NALF2: variants seen among roughly 807,000 people sequenced by gnomAD.
The protein encoded by NALF2 is NALCN channel auxiliary factor 2, also known as bB57D9.1 (TED protein).
Under a neutral mutation model 24.8 loss-of-function variants are expected in NALF2, and 1 was observed. That is an observed-to-expected ratio of 0.04 (90% CI 0.01 to 0.19). The LOEUF (loss-of-function observed/expected upper bound fraction) is 0.19. Among genes scored for constraint, NALF2 ranks in the 10% least tolerant of loss-of-function variants. The pLI, the probability that NALF2 is intolerant of heterozygous loss-of-function variation, is 1.00. For missense variants in NALF2, 458 were observed against 409.6 expected (o/e 1.12, Z -1.02); for synonymous variants, 254 against 189.8 (o/e 1.34, Z -2.78).
intron 1 of NALF2, among the ~76,000 whole-genome samples, chrX:69,510,016 A>C (rs760774611): frequency 7.1e-5 from 8 of 112,000 alleles, no homozygotes; most frequent in African/African-American, 2.3e-4. Flanking sequence ...AGAGTTGCTC[A>C]GTTTCTTCCT....
Position 69,528,988 on chromosome X carries a change from CA to C in NALF2, c.862-4del, listed in dbSNP as rs772268135. Reference sequence around the variant, plus strand: ...ATGGGCTGATGCTCTTTCCTCTCCCCACAGGCTGTCTACAAGGCCTGGCTGT... The same window carrying C: ...ATGGGCTGATGCTCTTTCCTCTCCCCCAGGCTGTCTACAAGGCCTGGCTGT... On this transcript the variant is annotated splice_region_variant and splice_polypyrimidine_tract_variant and intron_variant, in intron 1 of 2. Transcript: ENST00000252338. 8.3e-7 allele frequency: 1 copy of C among 1,204,213 alleles called. No individual in the cohort carries two copies. Among genetic ancestry groups the C allele is most frequent in the Admixed American group, 2.2e-5 (1 of 45,609 alleles).
In NALF2 at chrX:69,526,305, G is replaced by A. The variant is rs768168153; in HGVS notation, c.862-2688G>A. Among the ~76,000 whole-genome samples, 8 of 111,684 alleles carry A rather than the reference G, an allele frequency of 7.2e-5. No homozygotes were observed. In the South Asian group the frequency reaches 2.3e-3, roughly 32 times the overall value. On this transcript the variant is annotated intron_variant, in intron 1 of 2. Transcript: ENST00000252338. ...ATCTAACATCCTGATTTGAGTCCAA[G>A]CTCAACTGTTCTCCCACCACTGAAA...
intron 1 of NALF2, among the ~76,000 whole-genome samples, chrX:69,514,993 T>G: frequency 8.9e-6 from 1 of 112,357 alleles, no homozygotes. Context: ...TATTGACATT[T>G]ATGTTACTTC....
At chrX:69,524,477 A>G (rs1930777301) in intron 1 of NALF2, among the ~76,000 whole-genome samples, 1 of 111,652 alleles carries the variant, frequency 9.0e-6, no homozygotes, top group Non-Finnish European at 1.9e-5. Flanking sequence ...AGAGCTCCGT[A>G]GTTCACCCAG....
At chrX:69,512,872 C>T (rs746712730) in intron 1 of NALF2, among the ~76,000 whole-genome samples, 1 of 111,695 alleles carries the variant, frequency 9.0e-6, no homozygotes, top group Non-Finnish European at 1.9e-5. Context: ...GAAGCTGGGC[C>T]GACTGGAAGG....
chrX:69,509,230 C>T lies in NALF2; in HGVS notation c.861+3087C>T, dbSNP rs1020276379. On this transcript the variant is annotated intron_variant, in intron 1 of 2. Coordinates refer to ENST00000252338, the MANE Select transcript of NALF2 (RefSeq NM_015686.3). ...GGGTCATGCCTCACCTCTCTCTTAG[C>T]TTCCTGTGCATCCCCACAAGCCCTA... Among the ~76,000 whole-genome samples, 5 of 111,163 alleles carry T rather than the reference C, an allele frequency of 4.5e-5. No individual in the cohort carries two copies. In the Admixed American group the frequency reaches 4.8e-4, roughly 11 times the overall value.
rs1930418101 is a variant in NALF2, at chrX:69,504,607, G to C, written c.-676G>C. Among the ~76,000 whole-genome samples the C allele has an allele frequency of 8.8e-6, 1 of 113,049 alleles. No homozygotes were observed. The highest frequency in any genetic ancestry group is 1.9e-5 in the Non-Finnish European group (1 of 53,105). ...GTGGCCCGCCCGAGCCGGAACTCCA[G>C]GAGCAGCGGGTGCGGAGCCAGAGCG... On this transcript the variant is annotated 5_prime_UTR_variant, in exon 1 of 3. Coordinates refer to ENST00000252338, the MANE Select transcript of NALF2 (RefSeq NM_015686.3).
intron 1 of NALF2, among the ~76,000 whole-genome samples, chrX:69,506,954 G>A (rs372138611): frequency 8.9e-6 from 1 of 112,417 alleles, no homozygotes; most frequent in Non-Finnish European, 1.9e-5. Context: ...CCCGCCTAGG[G>A]AAGAGCTGAG....
chrX:69,513,563 T>C (rs968048207), intron 1 of NALF2, among the ~76,000 whole-genome samples: 1 of 112,381 alleles, frequency 8.9e-6, no homozygotes, highest in African/African-American at 3.2e-5. Flanking sequence ...AAGGTGAGCT[T>C]GTCTGTTTAG....
intron 1 of NALF2, among the ~76,000 whole-genome samples, chrX:69,514,251 A>G (rs1228425660): frequency 9.1e-6 from 1 of 109,889 alleles, no homozygotes; most frequent in African/African-American, 3.3e-5. Context: ...GGTAAGCATT[A>G]TTCTACTTTC....
intron 1 of NALF2, among the ~76,000 whole-genome samples, chrX:69,517,453 A>G (rs777888293): frequency 8.9e-6 from 1 of 112,234 alleles, no homozygotes; most frequent in South Asian, 3.8e-4. Context: ...GTGAGGTCTC[A>G]GTGAGTTAAT....
intron 1 of NALF2, among the ~76,000 whole-genome samples, chrX:69,510,797 G>A (rs1930570445): frequency 8.9e-6 from 1 of 111,905 alleles, no homozygotes; most frequent in African/African-American, 3.3e-5. Flanking sequence ...GGCAGAGAGA[G>A]GAGGCAATGT....
intron 1 of NALF2, among the ~76,000 whole-genome samples, chrX:69,510,795 G>A (rs1930570382): frequency 8.9e-6 from 1 of 112,004 alleles, no homozygotes; most frequent in Admixed American, 9.4e-5. Flanking sequence ...CAGGCAGAGA[G>A]AGGAGGCAAT....
intron 1 of NALF2, among the ~76,000 whole-genome samples, chrX:69,506,957 G>C (rs980910051): frequency 1.8e-5 from 2 of 112,450 alleles, no homozygotes; most frequent in Admixed American, 9.3e-5. Context: ...GCCTAGGGAA[G>C]AGCTGAGTGT....
Position 69,505,099 on chromosome X carries a change from C to A in NALF2, c.-184C>A. ...GCGCGGGAGCGGCGCGGAGACGGCACCAGAGCGCCCCGCGACTCCGGCCTG... is the reference window on the plus strand; with the variant it reads ...GCGCGGGAGCGGCGCGGAGACGGCAACAGAGCGCCCCGCGACTCCGGCCTG... On this transcript the variant is annotated 5_prime_UTR_variant, in exon 1 of 3. Transcript: ENST00000252338. 3.5e-6 allele frequency: 1 copy of A among 281,801 alleles called. No individual in the cohort carries two copies. The highest frequency in any genetic ancestry group is 5.9e-6 in the Non-Finnish European group (1 of 169,068). 23.2% of individuals were successfully genotyped at this position (281,801 alleles called of 1,213,427 possible).
chrX:69,526,479 G>T (rs1358570747), intron 1 of NALF2, among the ~76,000 whole-genome samples: 1 of 112,170 alleles, frequency 8.9e-6, no homozygotes. Context: ...TCATTTACTT[G>T]TCCTGTTCAT....
chrX:69,518,362 A>T (rs1389270869), intron 1 of NALF2, among the ~76,000 whole-genome samples: 2 of 111,378 alleles, frequency 1.8e-5, no homozygotes, highest in African/African-American at 6.5e-5. Flanking sequence ...AATTCACTTT[A>T]TCAAAGTACT....
At chrX:69,510,930 G>C (rs928437444) in intron 1 of NALF2, among the ~76,000 whole-genome samples, 2 of 110,916 alleles carry the variant, frequency 1.8e-5, no homozygotes, top group African/African-American at 6.6e-5. Flanking sequence ...TTAAGACTGG[G>C]AGTGGGAAAG....
At chrX:69,518,067 A>G (rs1280339141) in intron 1 of NALF2, among the ~76,000 whole-genome samples, 1 of 112,114 alleles carries the variant, frequency 8.9e-6, no homozygotes, top group South Asian at 3.7e-4. Flanking sequence ...ACTCTGCACA[A>G]CCATTGTGCA....
Sources: gnomAD v4.1 joint callset for allele counts (sites outside exome capture counted in the v4.1 genomes callset) on GRCh38, gnomAD v4.1.1 for gene constraint, MANE v1.5 for transcripts, NCBI Gene and HGNC (gene_info 2026-07-23, HGNC 2026-07-21) for gene names.